Variants in MSRA observed in about 807,000 individuals in gnomAD.
MSRA encodes the protein mitochondrial peptide methionine sulfoxide reductase.
MSRA carries 54 observed loss-of-function variants against 31.3 expected under a neutral mutation model. The observed-to-expected ratio is 1.73, with a 90% CI of 1.39 to 2.17. MSRA has a LOEUF of 2.17. Among genes scored for constraint, MSRA ranks in the 30% most tolerant of loss-of-function variants. MSRA has a pLI of 0.00. For missense variants in MSRA, 507 were observed against 300.9 expected, an observed-to-expected ratio of 1.69 and a Z score of -5.07; for synonymous variants, 169 against 116.5, an observed-to-expected ratio of 1.45 and a Z score of -2.90.
intron 1 of MSRA, among the ~76,000 whole-genome samples, chr8:10,111,798 A>G (rs1045827715): frequency 2.6e-5 from 4 of 152,146 alleles, no homozygotes; most frequent in Admixed American, 2.0e-4. Context: ...GTAGCATGCT[A>G]TGTGCTGTGA....
At chr8:10,209,041 G>A (rs1809255807) in intron 2 of MSRA, among the ~76,000 whole-genome samples, 1 of 152,210 alleles carries the variant, frequency 6.6e-6, no homozygotes, top group Admixed American at 6.5e-5. Context: ...CCACCTCAGT[G>A]TTGGTAAATC....
At chr8:10,379,960 A>G (rs1053982491) in intron 5 of MSRA, among the ~76,000 whole-genome samples, 2 of 152,250 alleles carry the variant, frequency 1.3e-5, no homozygotes, top group African/African-American at 4.8e-5. Context: ...TGATTGGGCC[A>G]GACGATACGA....
rs1454544481 is a variant in MSRA at position 10,366,053 on chromosome 8, C to G, written c.543+46064C>G. On this transcript the variant is annotated intron_variant, in intron 5 of 5. Coordinates refer to ENST00000317173, the MANE Select transcript of MSRA (RefSeq NM_012331.5). ...CAGATAGGCAGGAAGTGATGTCCAT[C>G]TGCAGGACTGGGGACACCTGGGGGC... Among the ~76,000 whole-genome samples, 4 of 152,224 alleles carry G rather than the reference C, an allele frequency of 2.6e-5. No individual in the cohort carries two copies. The East Asian group carries it at 7.7e-4, about 29-fold the overall frequency.
At chr8:10,293,961 C>T (rs1173409772) in intron 3 of MSRA, among the ~76,000 whole-genome samples, 8 of 152,092 alleles carry the variant, frequency 5.3e-5, no homozygotes, top group Non-Finnish European at 1.0e-4. Context: ...CTCAACACTT[C>T]GAAAGGCCGA....
chr8:10,339,792 C>A (rs111296797), intron 5 of MSRA, among the ~76,000 whole-genome samples: 2 of 151,588 alleles, frequency 1.3e-5, no homozygotes, highest in Non-Finnish European at 2.9e-5. Flanking sequence ...CCCCCCGCCT[C>A]GGCCTCCCAA....
chr8:10,273,448 T>C (rs767219762), intron 3 of MSRA, among the ~76,000 whole-genome samples: 8 of 152,214 alleles, frequency 5.3e-5, no homozygotes, highest in Non-Finnish European at 8.8e-5. Flanking sequence ...TCATCTTTTG[T>C]AAAATGGGGA....
chr8:10,127,656 T>C (rs920788708), intron 1 of MSRA, among the ~76,000 whole-genome samples: 4 of 152,210 alleles, frequency 2.6e-5, no homozygotes, highest in Admixed American at 2.0e-4. Flanking sequence ...ATATTTGATA[T>C]TGGGATTAAG....
In MSRA at chr8:10,097,946, A is replaced by G. The variant is rs1466687994; in HGVS notation, c.142+43288A>G. Among the ~76,000 whole-genome samples the G allele has an allele frequency of 3.3e-5, 5 of 152,150 alleles. No individual in the cohort carries two copies. In the South Asian group the frequency reaches 1.0e-3, roughly 31 times the overall value. The stretch of plus-strand genomic sequence containing the variant: ...AATAGAAATTCTCTCTGGCCTACAC[A>G]TTACATAGCTTAAAATGAAAGAAAA... On this transcript the variant is annotated intron_variant, in intron 1 of 5. Transcript: ENST00000317173.
chr8:10,356,929 C>G (rs1804544818), intron 5 of MSRA, among the ~76,000 whole-genome samples: 1 of 150,316 alleles, frequency 6.7e-6, no homozygotes, highest in Admixed American at 6.6e-5. Flanking sequence ...TCTTTGAAGT[C>G]TCCTTTAAAA....
intron 2 of MSRA, among the ~76,000 whole-genome samples, chr8:10,240,598 C>T (rs181297536): frequency 6.6e-6 from 1 of 152,314 alleles, no homozygotes; most frequent in African/African-American, 2.4e-5. Flanking sequence ...CTAATTCTTC[C>T]TCTTCCAGTC....
At position 10,194,198 on chromosome 8, in the gene MSRA, T is replaced by C. The variant is rs200634480; in HGVS notation, c.143-13635T>C. 5.3e-5 allele frequency among the ~76,000 whole-genome samples: 8 copies of C among 152,332 alleles called. No homozygotes were observed. The East Asian group carries it at 1.5e-3, about 29-fold the overall frequency. ...AAGGGGTGAACCCACAAATACTTCA[T>C]TTTTGAATAATCTTTTATTTCTATC... On this transcript the variant is annotated intron_variant, in intron 1 of 5. Coordinates refer to ENST00000317173, the MANE Select transcript of MSRA (RefSeq NM_012331.5).
At chr8:10,395,036 G>A (rs1048884461) in intron 5 of MSRA, among the ~76,000 whole-genome samples, 2 of 152,190 alleles carry the variant, frequency 1.3e-5, no homozygotes, top group Admixed American at 6.5e-5. Context: ...CCTCTAGTTG[G>A]CTTCCGACCA....
intron 5 of MSRA, among the ~76,000 whole-genome samples, chr8:10,328,008 G>A (rs939848876): frequency 6.7e-5 from 9 of 134,322 alleles, no homozygotes; most frequent in Non-Finnish European, 1.4e-4. Context: ...AGCATAGTTT[G>A]AATACCATCT....
chr8:10,149,499 G>C (rs958842490), intron 1 of MSRA, among the ~76,000 whole-genome samples: 2 of 152,226 alleles, frequency 1.3e-5, no homozygotes, highest in African/African-American at 4.8e-5. Flanking sequence ...TGATTGAAGG[G>C]AGAAGGTCGC....
At chr8:10,137,632 A>C (rs1585008382) in intron 1 of MSRA, among the ~76,000 whole-genome samples, 1 of 152,168 alleles carries the variant, frequency 6.6e-6, no homozygotes, top group Non-Finnish European at 1.5e-5. Context: ...TGTGGTTTTC[A>C]AACTTGTCTA....
At chr8:10,254,030 C>A (rs534364662) in intron 3 of MSRA, among the ~76,000 whole-genome samples, 7 of 152,070 alleles carry the variant, frequency 4.6e-5, no homozygotes, top group Non-Finnish European at 1.0e-4. Context: ...GCCGTGCCTC[C>A]GATCTGCCGG....
chr8:10,156,356 T>C (rs998219911), intron 1 of MSRA, among the ~76,000 whole-genome samples: 1 of 152,182 alleles, frequency 6.6e-6, no homozygotes, highest in African/African-American at 2.4e-5. Flanking sequence ...TCTTGAGAGA[T>C]GCCTTTTGGA....
chr8:10,164,126 C>T (rs1474987014), intron 1 of MSRA, among the ~76,000 whole-genome samples: 4 of 152,178 alleles, frequency 2.6e-5, no homozygotes, highest in Non-Finnish European at 4.4e-5. Flanking sequence ...ACACAGCTAG[C>T]GTTTTATTGC....
At chr8:10,285,598 C>T (rs1356564614) in intron 3 of MSRA, among the ~76,000 whole-genome samples, 1 of 151,932 alleles carries the variant, frequency 6.6e-6, no homozygotes, top group Non-Finnish European at 1.5e-5. Flanking sequence ...TTATTCCCCC[C>T]ATCTCAATGT....
Sources: allele counts gnomAD v4.1 joint callset (sites outside exome capture counted in the v4.1 genomes callset), GRCh38; gene constraint gnomAD v4.1.1; transcripts MANE v1.5; gene names NCBI Gene and HGNC (gene_info 2026-07-23, HGNC 2026-07-21).